The following PRIM2 variants were observed in gnomAD, a reference collection of about 807,000 sequenced individuals.
PRIM2 encodes DNA primase subunit 2, also known as DNA primase large subunit.
A neutral mutation model predicts 67.3 loss-of-function variants in PRIM2; 39 were observed. The ratio of observed to expected loss-of-function variants is 0.58; its 90% CI spans 0.45 to 0.76. The LOEUF (loss-of-function observed/expected upper bound fraction) is 0.76. PRIM2 is among the 30% of genes least tolerant of loss of function. The probability of loss-of-function intolerance (pLI) is 0.00; values close to 1 mark genes in which losing one functional copy is unlikely to be tolerated. For missense variants in PRIM2, 398 were observed against 598.7 expected, an observed-to-expected ratio of 0.66 and a Z score of 3.50; for synonymous variants, 143 against 198.7, an observed-to-expected ratio of 0.72 and a Z score of 2.36.
chr6:57,255,666 T>C, the PRIM2 span, among the ~76,000 whole-genome samples: 2 of 152,020 alleles, frequency 1.3e-5, no homozygotes, highest in Admixed American at 1.3e-4. Flanking sequence ...ATAACCACAA[T>C]ATACAGCAAT....
chr6:57,432,444 C>T (rs1409627925), intron 7 of PRIM2, among the ~76,000 whole-genome samples: 2 of 151,934 alleles, frequency 1.3e-5, no homozygotes, highest in African/African-American at 4.8e-5. Flanking sequence ...ACTATTAAAC[C>T]TAAAAAGAGT....
intron 10 of PRIM2, among the ~76,000 whole-genome samples, chr6:57,565,215 A>G (rs1385436779): frequency 6.6e-6 from 1 of 151,296 alleles, no homozygotes; most frequent in African/African-American, 2.4e-5. Flanking sequence ...TACAAATACA[A>G]ATTCTCACAT....
At chr6:57,615,726 C>T (rs1473172280) in intron 12 of PRIM2, among the ~76,000 whole-genome samples, 372 of 152,184 alleles carry the variant, frequency 2.4e-3, no homozygotes, top group African/African-American at 8.6e-3. Context: ...GTAGACCCTG[C>T]CTTTAAAAAA....
the PRIM2 span, among the ~76,000 whole-genome samples, chr6:57,276,182 G>C: frequency 6.6e-6 from 1 of 152,128 alleles, no homozygotes; most frequent in Non-Finnish European, 1.5e-5. Context: ...CTGAGGTTGG[G>C]AGTTCAAGAC....
the PRIM2 span, among the ~76,000 whole-genome samples, chr6:57,309,139 C>T: frequency 2.5e-4 from 35 of 142,406 alleles, no homozygotes; most frequent in East Asian, 1.0e-3. Flanking sequence ...GGTGATGACT[C>T]TTTTTTTTTT....
intron 10 of PRIM2, among the ~76,000 whole-genome samples, chr6:57,572,765 A>G (rs1469858489): frequency 6.6e-6 from 1 of 152,224 alleles, no homozygotes; most frequent in Non-Finnish European, 1.5e-5. Context: ...GGGTACATCC[A>G]TTGTTTAAAC....
intron 6 of PRIM2, 98 bp from the exon 7 acceptor site, chr6:57,381,933 A>G: frequency 7.9e-7 from 1 of 1,266,886 alleles, no homozygotes. Context: ...CTCTGCTAGG[A>G]CTAATGAATT....
At chr6:57,424,202 G>A (rs1190427069) in intron 7 of PRIM2, among the ~76,000 whole-genome samples, 1 of 152,090 alleles carries the variant, frequency 6.6e-6, no homozygotes, top group African/African-American at 2.4e-5. Flanking sequence ...AGTGTTAGCT[G>A]TCTGGAGCTT....
intron 10 of PRIM2, among the ~76,000 whole-genome samples, chr6:57,548,138 T>C (rs1260666200): frequency 1.3e-5 from 2 of 152,078 alleles, no homozygotes; most frequent in African/African-American, 4.8e-5. Context: ...TATCTGAAAG[T>C]GGGTAATTTA....
chr6:57,276,449 AT>A, the PRIM2 span, among the ~76,000 whole-genome samples: 1 of 4,262 alleles, frequency 2.3e-4, no homozygotes, highest in Non-Finnish European at 3.4e-4. Context: ...CCATTTACAT[AT>A]ATATATATAT....
chr6:57,531,767 A>G (rs1394794837), intron 8 of PRIM2, among the ~76,000 whole-genome samples: 2 of 152,172 alleles, frequency 1.3e-5, no homozygotes, highest in Non-Finnish European at 2.9e-5. Context: ...TAACTCCTCC[A>G]AGCCTCCATT....
At chr6:57,592,577 C>T (rs1776300270) in intron 10 of PRIM2, among the ~76,000 whole-genome samples, 1 of 152,006 alleles carries the variant, frequency 6.6e-6, no homozygotes, top group Non-Finnish European at 1.5e-5. Context: ...GGTGGATCAC[C>T]TGAGGTTAAG....
chr6:57,381,730 G>A (rs1380817450), intron 6 of PRIM2, among the ~76,000 whole-genome samples: 2 of 152,270 alleles, frequency 1.3e-5, no homozygotes, highest in East Asian at 3.9e-4. Context: ...TGAGTTAAGA[G>A]TTTGAAATCC....
chr6:57,441,975 T>A lies in PRIM2; in HGVS notation c.693+59807T>A, dbSNP rs1001980201. Reference sequence around the variant, plus strand: ...CTAAAGTTTTGGAAATATTTTCTGATATAAGCAGGAAAAGAAAAAAAAATA... The same window carrying A: ...CTAAAGTTTTGGAAATATTTTCTGAAATAAGCAGGAAAAGAAAAAAAAATA... On this transcript the variant is annotated intron_variant, in intron 7 of 13. Transcript: ENST00000615550. Among the ~76,000 whole-genome samples the A allele has an allele frequency of 2.0e-5, 3 of 151,884 alleles. No homozygotes were observed. In the South Asian group the frequency reaches 6.2e-4, roughly 31 times the overall value.
chr6:57,465,695 G>A (rs1359847066), intron 7 of PRIM2, among the ~76,000 whole-genome samples: 7 of 152,064 alleles, frequency 4.6e-5, no homozygotes, highest in African/African-American at 1.7e-4. Flanking sequence ...ATAATAGCAT[G>A]TACCTCATAG....
chr6:57,433,198 G>T (rs891247875), intron 7 of PRIM2, among the ~76,000 whole-genome samples: 12 of 89,408 alleles, frequency 1.3e-4, no homozygotes, highest in Non-Finnish European at 2.8e-4. Flanking sequence ...CTAAATGATG[G>T]CATGAAAAAA....
At chr6:57,221,844 G>C in the PRIM2 span, 1 of 152,530 alleles carries the variant, frequency 6.6e-6, no homozygotes, top group Non-Finnish European at 1.5e-5. Context: ...CCGGGGGATG[G>C]GGGAGCCGGG....
At chr6:57,289,336 T>TC in the PRIM2 span, among the ~76,000 whole-genome samples, 1 of 152,132 alleles carries the variant, frequency 6.6e-6, no homozygotes, top group Non-Finnish European at 1.5e-5. Context: ...TGATTGGTGT[T>TC]CCTGAAAGTG....
At chr6:57,269,064 C>G in the PRIM2 span, among the ~76,000 whole-genome samples, 1 of 151,864 alleles carries the variant, frequency 6.6e-6, no homozygotes. Flanking sequence ...TCCAAGTCTT[C>G]GCTATTGTGA....
Sources: gnomAD v4.1 joint callset for allele counts (sites outside exome capture counted in the v4.1 genomes callset) on GRCh38, gnomAD v4.1.1 for gene constraint, MANE v1.5 for transcripts, NCBI Gene and HGNC (gene_info 2026-07-23, HGNC 2026-07-21) for gene names.